Variants in LRRC7 observed in about 807,000 individuals in gnomAD.
LRRC7 encodes the protein leucine-rich repeat-containing protein 7.
Under a neutral mutation model 175.7 loss-of-function variants are expected in LRRC7, and 23 were observed. That is an observed-to-expected ratio of 0.13 (90% confidence interval 0.09 to 0.19). The LOEUF is 0.19. Among genes scored for constraint, LRRC7 ranks in the 10% least tolerant of loss-of-function variants. The pLI is 1.00. For synonymous variants in LRRC7, 685 were observed against 680.9 expected, an observed-to-expected ratio of 1.01 and a Z score of -0.09; for missense variants, 1,354 against 1,904.7, an observed-to-expected ratio of 0.71 and a Z score of 5.38.
intron 1 of LRRC7, among the ~76,000 whole-genome samples, chr1:69,646,077 T>A (rs909047104): frequency 6.6e-6 from 1 of 152,132 alleles, no homozygotes; most frequent in African/African-American, 2.4e-5. Flanking sequence ...ATGTACATAA[T>A]GGCTAATTGG....
At chr1:69,684,624 C>T (rs766779062) in intron 2 of LRRC7, among the ~76,000 whole-genome samples, 3 of 152,116 alleles carry the variant, frequency 2.0e-5, no homozygotes, top group Non-Finnish European at 4.4e-5. Context: ...ACTAGGACAA[C>T]AGGACTTGAA....
At chr1:69,859,305 C>T in intron 7 of LRRC7, among the ~76,000 whole-genome samples, 1 of 152,028 alleles carries the variant, frequency 6.6e-6, no homozygotes, top group East Asian at 1.9e-4. Flanking sequence ...AATTTTAATA[C>T]GTCTCATTTT....
chr1:69,898,413 C>G (rs1308352949), intron 7 of LRRC7, among the ~76,000 whole-genome samples: 1 of 152,188 alleles, frequency 6.6e-6, no homozygotes, highest in African/African-American at 2.4e-5. Flanking sequence ...ATATGTACCA[C>G]ACAATAACTA....
At position 69,851,158 on chromosome 1, in the gene LRRC7, G is replaced by A. The variant is rs114465551; in HGVS notation, c.647+12875G>A. 2.5e-3 allele frequency among the ~76,000 whole-genome samples: 381 copies of A among 152,264 alleles called. 1 individual carries two copies. The highest frequency in any genetic ancestry group is 8.1e-3 in the African/African-American group (337 of 41,568). ...AATTAAGAAGGAAAAAGAAAACTAA[G>A]CATTGGCATTAGCAAGATACAGGTC... On this transcript the variant is annotated intron_variant, in intron 7 of 26. Coordinates refer to ENST00000651989, the MANE Select transcript of LRRC7 (RefSeq NM_001370785.2).
intron 24 of LRRC7, among the ~76,000 whole-genome samples, chr1:70,081,843 G>T (rs910844718): frequency 6.6e-6 from 1 of 152,146 alleles, no homozygotes; most frequent in African/African-American, 2.4e-5. Flanking sequence ...GCTGTCTCCT[G>T]CCAGTGCCTG....
intron 1 of LRRC7, among the ~76,000 whole-genome samples, chr1:69,604,711 A>G (rs1365461067): frequency 6.6e-6 from 1 of 151,320 alleles, no homozygotes. Context: ...TTTTTTTCAC[A>G]TTCCCTGGGT....
intron 3 of LRRC7, among the ~76,000 whole-genome samples, chr1:69,776,513 T>A (rs925604314): frequency 6.6e-6 from 1 of 152,214 alleles, no homozygotes; most frequent in African/African-American, 2.4e-5. Flanking sequence ...CCTAGAGATA[T>A]GTATCCCTTC....
intron 18 of LRRC7, among the ~76,000 whole-genome samples, chr1:70,030,927 T>C (rs1307496847): frequency 6.6e-6 from 1 of 151,994 alleles, no homozygotes; most frequent in Non-Finnish European, 1.5e-5. Flanking sequence ...GACAGGGAGA[T>C]TTTCCTTTAT....
chr1:69,891,015 T>G (rs1436520937), intron 7 of LRRC7, among the ~76,000 whole-genome samples: 1 of 152,244 alleles, frequency 6.6e-6, no homozygotes, highest in Non-Finnish European at 1.5e-5. Context: ...ACATTAGCAG[T>G]AAGCCTGTTT....
At chr1:69,702,320 T>C (rs969318380) in intron 2 of LRRC7, among the ~76,000 whole-genome samples, 1 of 152,176 alleles carries the variant, frequency 6.6e-6, no homozygotes, top group African/African-American at 2.4e-5. Context: ...TTCTTACTGC[T>C]CTCTTTTGGA....
chr1:69,730,977 C>T (rs920816217), intron 2 of LRRC7, among the ~76,000 whole-genome samples: 7 of 151,862 alleles, frequency 4.6e-5, no homozygotes, highest in African/African-American at 1.2e-4. Flanking sequence ...CAAGCAGTGC[C>T]GAGAAAAAGG....
intron 1 of LRRC7, among the ~76,000 whole-genome samples, chr1:69,573,820 C>T (rs915623931): frequency 1.1e-4 from 16 of 152,106 alleles, no homozygotes; most frequent in Middle Eastern, 3.4e-3. Flanking sequence ...CTTCAATACA[C>T]GTGAAAGAAA....
At chr1:69,571,334 T>A (rs1645732103) in intron 1 of LRRC7, among the ~76,000 whole-genome samples, 1 of 152,196 alleles carries the variant, frequency 6.6e-6, no homozygotes, top group Non-Finnish European at 1.5e-5. Context: ...TTTTCCCAAT[T>A]AAATTCTTAT....
intron 7 of LRRC7, among the ~76,000 whole-genome samples, chr1:69,906,030 G>A (rs1239964521): frequency 6.6e-6 from 1 of 152,240 alleles, no homozygotes; most frequent in Non-Finnish European, 1.5e-5. Context: ...ATTTGTTCAT[G>A]TGTTTTTTGG....
intron 2 of LRRC7, among the ~76,000 whole-genome samples, chr1:69,756,271 T>C (rs1007069125): frequency 4.0e-5 from 6 of 151,840 alleles, no homozygotes; most frequent in Admixed American, 6.6e-5. Context: ...AATATTTGAA[T>C]TGTAGGATAA....
chr1:70,118,063 GCACACACACACACA>G (rs71583108), intron 26 of LRRC7, among the ~76,000 whole-genome samples: 1 of 146,782 alleles, frequency 6.8e-6, no homozygotes, highest in South Asian at 2.2e-4. Flanking sequence ...CTTCTTCTAT[GCACACACACACACA>G]CACACACACA....
At chr1:70,047,962 A>G (rs1373843103) in intron 22 of LRRC7, among the ~76,000 whole-genome samples, 2 of 151,990 alleles carry the variant, frequency 1.3e-5, no homozygotes, top group East Asian at 1.9e-4. Context: ...AGTATTTTCT[A>G]TTGATTTTTT....
chr1:69,910,169 C>A (rs1013126094), intron 7 of LRRC7, among the ~76,000 whole-genome samples: 1 of 151,748 alleles, frequency 6.6e-6, no homozygotes, highest in Admixed American at 6.6e-5. Context: ...GTTATCCATT[C>A]TAGTTATCTC....
In LRRC7 at chr1:69,920,027, G is replaced by T. The variant is rs1228345307; in HGVS notation, c.648-11480G>T. The stretch of plus-strand genomic sequence containing the variant: ...GTTCCCCACTCCCTGTCAGTCCCCA[G>T]TTGGGGCTGCGACCTCCAGACTCTC... On this transcript the variant is annotated intron_variant, in intron 7 of 26. Transcript: ENST00000651989. 6 of 438,270 alleles carry T rather than the reference G, an allele frequency of 1.4e-5. No individual in the cohort carries two copies. In the East Asian group the frequency reaches 1.4e-4, roughly 10 times the overall value. 27.1% of individuals were successfully genotyped at this position (438,270 alleles called of 1,614,324 possible).
Sources: allele counts gnomAD v4.1 joint callset (sites outside exome capture counted in the v4.1 genomes callset), GRCh38; gene constraint gnomAD v4.1.1; transcripts MANE v1.5; gene names NCBI Gene and HGNC (gene_info 2026-07-23, HGNC 2026-07-21).